The following NDNF variants were observed in gnomAD, a reference collection of about 807,000 sequenced individuals.
NDNF encodes the protein neuron derived neurotrophic factor.
NDNF carries 16 observed loss-of-function variants against 42.0 expected under a neutral mutation model. That is an observed-to-expected ratio of 0.38 (90% CI 0.26 to 0.58). The LOEUF is 0.58. NDNF is among the 20% of genes least tolerant of loss of function. The pLI is 0.67. For synonymous variants in NDNF, 248 were observed against 251.7 expected (o/e 0.99, Z 0.14); for missense variants, 616 against 666.2 (o/e 0.92, Z 0.83).
chr4:121,066,960 T>A (rs910361591), intron 1 of NDNF, among the ~76,000 whole-genome samples: 2 of 152,230 alleles, frequency 1.3e-5, no homozygotes, highest in Admixed American at 1.3e-4. Flanking sequence ...CTCCATTTAC[T>A]TCAGCTGGTC....
rs1162338596 is a variant in NDNF at position 121,036,669 on chromosome 4, T to C, written c.1302A>G (p.Leu434=). The stretch of plus-strand genomic sequence containing the variant: ...ACTGCTTAGTAGGCCTTGTGGTAGC[T>C]AGAATTTTCAACATAGATGCTCCTT... ...NKKGASMLKI[L]ATTRPTKQSF... The change falls in exon 4 of 4, where the codon CTA becomes CTG. Residue 434 remains leucine (L), a synonymous_variant. Coordinates refer to ENST00000379692, the MANE Select transcript of NDNF (RefSeq NM_024574.4). 3.7e-6 allele frequency: 6 copies of C among 1,614,050 alleles called. No individual in the cohort carries two copies. Among genetic ancestry groups the C allele is most frequent in the East Asian group, 2.2e-5 (1 of 44,898 alleles).
At chr4:121,048,688 A>G (rs1727135671) in intron 1 of NDNF, among the ~76,000 whole-genome samples, 1 of 152,124 alleles carries the variant, frequency 6.6e-6, no homozygotes, top group Non-Finnish European at 1.5e-5. Flanking sequence ...AAATACAAAA[A>G]TTAGCTGCGT....
At chr4:121,058,920 A>C (rs897394187) in intron 1 of NDNF, among the ~76,000 whole-genome samples, 9 of 151,998 alleles carry the variant, frequency 5.9e-5, no homozygotes, top group Non-Finnish European at 1.0e-4. Flanking sequence ...GAGAGGATGA[A>C]GTCTACGGCC....
At chr4:121,061,050 G>T (rs1194695222) in intron 1 of NDNF, 2 of 152,114 alleles carry the variant, frequency 1.3e-5, no homozygotes, top group African/African-American at 4.8e-5. Flanking sequence ...CAGAAAAAAG[G>T]GGAGGGCACA....
Position 121,037,089 on chromosome 4 carries a change from T to C in NDNF, c.882A>G (p.Gly294=). 1 of 1,613,872 alleles carries C rather than the reference T, an allele frequency of 6.2e-7. No homozygotes were observed. Among genetic ancestry groups the C allele is most frequent in the African/African-American group, 1.3e-5 (1 of 75,016 alleles). Residue 294 remains glycine, a synonymous_variant, in exon 4 of 4, where the codon GGA becomes GGG. Coordinates refer to ENST00000379692, the MANE Select transcript of NDNF (RefSeq NM_024574.4). ...CAGAGACGGTGAAGATGTTCTTGTT[T>C]CCTATGCAGATTTTCTGAATATCAA... The part of the protein sequence containing the change: ...PKVDIQKICI[G]NKNIFTVSDL...
chr4:121,037,632 C>T lies in NDNF; in HGVS notation c.339G>A (p.Gln113=). 1 of 1,590,836 alleles carries T rather than the reference C, an allele frequency of 6.3e-7. No individual in the cohort carries two copies. The highest frequency in any genetic ancestry group is 8.5e-7 in the Non-Finnish European group (1 of 1,173,118). ...GSGDLEPLEQ[Q]KQQIINEEGT... is the part of the protein sequence containing the mutation. ...CTTCCTCATTAATGATCTGCTGCTT[C>T]TGCTGCTCAAGAGGTTCCAGATCAC... The change falls in exon 4 of 4, where the codon CAG becomes CAA. Residue 113 remains glutamine (Q), a synonymous_variant. Transcript: ENST00000379692.
intron 1 of NDNF, among the ~76,000 whole-genome samples, chr4:121,065,464 T>C (rs1727484227): frequency 6.6e-6 from 1 of 152,072 alleles, no homozygotes. Context: ...GTATCTTGTA[T>C]CCTCCACTTT....
In NDNF at chr4:121,037,473, A is replaced by G; in HGVS notation, c.498T>C (p.Thr166=). ...CAGGGTATGGCTGATCAGATTCTGG[A>G]GTTGTGGTGGCATATACTTTGAAAT... ...DTHFKVYATT[T]PESDQPYPEL... is the part of the protein sequence containing the mutation. Residue 166 remains threonine (T), a synonymous_variant, in exon 4 of 4, where the codon ACT becomes ACC. Transcript: ENST00000379692. 6.2e-7 allele frequency: 1 copy of G among 1,614,050 alleles called. No homozygotes were observed. The highest frequency in any genetic ancestry group is 8.5e-7 in the Non-Finnish European group (1 of 1,180,004).
chr4:121,057,664 C>G (rs1727320741), intron 1 of NDNF, among the ~76,000 whole-genome samples: 3 of 152,190 alleles, frequency 2.0e-5, no homozygotes, highest in Admixed American at 2.0e-4. Flanking sequence ...GCTTGGAGCT[C>G]AGCAACATAA....
At chr4:121,071,406 G>A (rs1053621112) in intron 1 of NDNF, 3 of 152,232 alleles carry the variant, frequency 2.0e-5, no homozygotes, top group Admixed American at 6.5e-5. Context: ...TCCCGGCCCC[G>A]GCTGCGCAGC....
chr4:121,068,175 T>G (rs1421645346), intron 1 of NDNF, among the ~76,000 whole-genome samples: 1 of 152,238 alleles, frequency 6.6e-6, no homozygotes, highest in Non-Finnish European at 1.5e-5. Context: ...AGCAGCAAAG[T>G]ATTTACTTTT....
chr4:121,062,653 T>TC (rs1266382128), intron 1 of NDNF, among the ~76,000 whole-genome samples: 2 of 152,136 alleles, frequency 1.3e-5, no homozygotes, highest in East Asian at 1.9e-4. Flanking sequence ...TGTAATCCTT[T>TC]CCCCCCCAAG....
intron 1 of NDNF, among the ~76,000 whole-genome samples, chr4:121,058,350 A>T (rs1727339668): frequency 2.0e-5 from 3 of 152,074 alleles, no homozygotes. Flanking sequence ...AAGCCCAGGC[A>T]CCTAACCCTC....
chr4:121,062,146 C>G (rs1727423785), intron 1 of NDNF, among the ~76,000 whole-genome samples: 1 of 152,122 alleles, frequency 6.6e-6, no homozygotes, highest in Non-Finnish European at 1.5e-5. Flanking sequence ...ATTTACCTAT[C>G]AGGTAAAAGA....
intron 1 of NDNF, among the ~76,000 whole-genome samples, chr4:121,068,016 C>A (rs1727529906): frequency 6.6e-6 from 1 of 152,174 alleles, no homozygotes; most frequent in Admixed American, 6.5e-5. Flanking sequence ...GTGAAATACA[C>A]ACAGCCAAGC....
intron 2 of NDNF, among the ~76,000 whole-genome samples, chr4:121,044,025 T>C (rs1330357486): frequency 6.6e-6 from 1 of 152,224 alleles, no homozygotes; most frequent in African/African-American, 2.4e-5. Context: ...CCCATGAATG[T>C]CATTTAAAGA....
chr4:121,063,818 G>A (rs2148772024), intron 1 of NDNF, among the ~76,000 whole-genome samples: 1 of 152,210 alleles, frequency 6.6e-6, no homozygotes, highest in East Asian at 1.9e-4. Context: ...GAGATATGGG[G>A]ATTATTTATC....
intron 1 of NDNF, among the ~76,000 whole-genome samples, chr4:121,062,703 A>C (rs951711808): frequency 3.3e-5 from 5 of 151,876 alleles, no homozygotes; most frequent in African/African-American, 1.2e-4. Context: ...TTCTTCTCCT[A>C]TTTTTTTTCT....
chr4:121,042,420 T>A (rs1355395), intron 2 of NDNF, among the ~76,000 whole-genome samples: 103,259 of 152,034 alleles, frequency 0.68, 39,570 homozygotes, highest in East Asian at 0.88. Flanking sequence ...GGAGTGGGGC[T>A]GTGGGCAGAC....
Sources: allele counts gnomAD v4.1 joint callset (sites outside exome capture counted in the v4.1 genomes callset), GRCh38; gene constraint gnomAD v4.1.1; transcripts MANE v1.5; gene names NCBI Gene and HGNC (gene_info 2026-07-23, HGNC 2026-07-21).